The following UBAP1 variants were observed in gnomAD, a reference collection of about 807,000 sequenced individuals.
UBAP1 encodes ubiquitin-associated protein 1.
UBAP1 carries 5 observed loss-of-function variants against 39.0 expected under a neutral mutation model. The observed-to-expected ratio is 0.13, with a 90% CI of 0.07 to 0.27. UBAP1 has a LOEUF of 0.27. Ranked by LOEUF, UBAP1 falls within the 10% of genes least tolerant of loss-of-function variation. The probability of loss-of-function intolerance (pLI) is 1.00; values close to 1 mark genes in which losing one functional copy is unlikely to be tolerated. For missense variants in UBAP1, 490 were observed against 608.1 expected (o/e 0.81, Z 2.04); for synonymous variants, 211 against 225.1 (o/e 0.94, Z 0.56).
chr9:34,179,331 G>T (rs1382365161), intron 1 of UBAP1, 91 bp downstream of exon 1: 4 of 895,752 alleles, frequency 4.5e-6, no homozygotes, highest in Non-Finnish European at 5.8e-6. Flanking sequence ...GGGATGGGGG[G>T]CCGAGCGAGG....
chr9:34,185,709 G>A (rs547742557), intron 1 of UBAP1, among the ~76,000 whole-genome samples: 31 of 152,246 alleles, frequency 2.0e-4, no homozygotes, highest in African/African-American at 6.5e-4. Flanking sequence ...AGCTGGGCGT[G>A]GTGGCAGGTG....
Position 34,179,065 on chromosome 9 carries a change from C to CGGCTGCGGCACTGGCGGT in UBAP1, c.-178_-161dup. ...GGAGGGAAGTAGGACTTCAACATGG[C>CGGCTGCGGCACTGGCGGT]GGCTGCGGCACTGGCGGTGGCTACG... On this transcript the variant is annotated 5_prime_UTR_variant, in exon 1 of 7. Transcript: ENST00000297661. The CGGCTGCGGCACTGGCGGT allele has an allele frequency of 6.3e-6, 8 of 1,278,374 alleles. No homozygotes were observed. Among genetic ancestry groups the CGGCTGCGGCACTGGCGGT allele is most frequent in the Non-Finnish European group, 7.9e-6 (8 of 1,011,036 alleles). 79.2% of individuals were successfully genotyped at this position (1,278,374 alleles called of 1,614,324 possible).
rs1563911136 is a variant in UBAP1 at position 34,226,117 on chromosome 9, G to GTGTGTGTGTGTGTGTGTGTGTT, written c.34+5190_34+5191insTTGTGTGTGTGTGTGTGTGTGT. On this transcript the variant is annotated intron_variant, in intron 2 of 6. Coordinates refer to ENST00000297661, the MANE Select transcript of UBAP1 (RefSeq NM_016525.5). ...TCCTCCTACTCTATTGTGTGTGTGT[G>GTGTGTGTGTGTGTGTGTGTGTT]TGTGTGTGTGTGTGTGTGTGTGTGT... Among the ~76,000 whole-genome samples, 141 of 94,314 alleles carry GTGTGTGTGTGTGTGTGTGTGTT rather than the reference G, an allele frequency of 1.5e-3. 4 individuals are homozygous for GTGTGTGTGTGTGTGTGTGTGTT. Among genetic ancestry groups the GTGTGTGTGTGTGTGTGTGTGTT allele is most frequent in the African/African-American group, 3.7e-3 (120 of 32,070 alleles). The allele number at this position is 94,314 out of a possible 152,430, so 61.9% of individuals were successfully genotyped here.
chr9:34,244,094 C>T (rs10972017), intron 4 of UBAP1, among the ~76,000 whole-genome samples: 49,336 of 152,028 alleles, frequency 0.32, 9,810 homozygotes, highest in Non-Finnish European at 0.45. Context: ...GTGATCCGCC[C>T]GCCTCGGCCT....
At position 34,242,164 on chromosome 9, in the gene UBAP1, G is replaced by A. The variant is rs564823831; in HGVS notation, c.1083+56G>A. The A allele has an allele frequency of 7.2e-5, 108 of 1,491,902 alleles. 1 individual carries two copies. In the South Asian group the frequency reaches 1.2e-3, roughly 17 times the overall value. 92.4% of individuals were successfully genotyped at this position (1,491,902 alleles called of 1,614,324 possible). On this transcript the variant is annotated intron_variant, in intron 4 of 6. Transcript: ENST00000297661. ...ATATTTTCCTGATGACAGGGATTAT[G>A]TTTTTTCTTGTTGTTTGGTTGATTT... is the stretch of plus-strand genomic sequence containing the variant.
chr9:34,216,356 C>T (rs901991281), intron 1 of UBAP1, among the ~76,000 whole-genome samples: 2 of 152,108 alleles, frequency 1.3e-5, no homozygotes, highest in Non-Finnish European at 2.9e-5. Context: ...GAGACCCTTA[C>T]CAACTACACA....
rs76310003 is a variant in UBAP1, at chr9:34,218,387, A to C, written c.-7-2521A>C. Among the ~76,000 whole-genome samples, 781 of 151,900 alleles carry C rather than the reference A, an allele frequency of 5.1e-3. 14 individuals carry two copies. Among genetic ancestry groups the C allele is most frequent in the East Asian group, 0.029 (150 of 5,180 alleles). On this transcript the variant is annotated intron_variant, in intron 1 of 6. Transcript: ENST00000297661. ...GTGTTGTTTGGAAAATTATTTATTA[A>C]ATCAAAGACTCAGCCTCTCTCAAGT...
At position 34,224,100 on chromosome 9, in the gene UBAP1, G is replaced by T. The variant is rs529957329; in HGVS notation, c.34+3152G>T. ...GGCCTTGAAGTGATGCACGCAAGAA[G>T]CTTGCCCTGCTGGAACTGCTCCTCC... On this transcript the variant is annotated intron_variant, in intron 2 of 6. Coordinates refer to ENST00000297661, the MANE Select transcript of UBAP1 (RefSeq NM_016525.5). The T allele has an allele frequency of 3.9e-5, 29 of 745,028 alleles. 1 individual carries two copies. The highest frequency in any genetic ancestry group is 3.4e-4 in the African/African-American group (19 of 56,112). 46.2% of individuals were successfully genotyped at this position (745,028 alleles called of 1,614,324 possible).
chr9:34,243,783 G>T (rs999542803), intron 4 of UBAP1, among the ~76,000 whole-genome samples: 1 of 151,144 alleles, frequency 6.6e-6, no homozygotes, highest in Non-Finnish European at 1.5e-5. Context: ...AGCCACAGTG[G>T]CTGGCCAATT....
At chr9:34,223,723 G>A (rs1348492247) in intron 2 of UBAP1, among the ~76,000 whole-genome samples, 1 of 152,122 alleles carries the variant, frequency 6.6e-6, no homozygotes, top group African/African-American at 2.4e-5. Context: ...CCAAAGTGTT[G>A]GGGTTACAGG....
At chr9:34,239,053 A>G (rs541031348) in intron 3 of UBAP1, among the ~76,000 whole-genome samples, 2 of 152,294 alleles carry the variant, frequency 1.3e-5, no homozygotes, top group Non-Finnish European at 1.5e-5. Context: ...GCACAAAGCA[A>G]TCTTTTTTTG....
At chr9:34,226,139 G>GTT (rs1563911386) in intron 2 of UBAP1, among the ~76,000 whole-genome samples, 27 of 135,074 alleles carry the variant, frequency 2.0e-4, no homozygotes, top group Admixed American at 2.9e-4. Flanking sequence ...GTGTGTGTGT[G>GTT]TGTGTGTGTG....
chr9:34,231,125 TTA>T (rs1191309562), intron 2 of UBAP1, among the ~76,000 whole-genome samples: 9 of 96,694 alleles, frequency 9.3e-5, no homozygotes, highest in South Asian at 3.1e-4. Context: ...TTTAAAAAAA[TTA>T]TGTGTGTGTG....
chr9:34,197,246 AGTT>A (rs1170545468), intron 1 of UBAP1, among the ~76,000 whole-genome samples: 2 of 150,722 alleles, frequency 1.3e-5, no homozygotes, highest in African/African-American at 4.9e-5. Context: ...GTTTTATTAT[AGTT>A]CACGGACCTT....
intron 1 of UBAP1, among the ~76,000 whole-genome samples, chr9:34,186,252 A>G (rs1334301213): frequency 1.3e-5 from 2 of 152,216 alleles, no homozygotes; most frequent in African/African-American, 4.8e-5. Flanking sequence ...TACTTCACAA[A>G]ATAAACTGGA....
At chr9:34,228,577 C>G (rs1356612782) in intron 2 of UBAP1, among the ~76,000 whole-genome samples, 13 of 146,742 alleles carry the variant, frequency 8.9e-5, no homozygotes, top group Non-Finnish European at 2.0e-4. Flanking sequence ...TTTCCCCCCC[C>G]CCCTTTTTTT....
intron 1 of UBAP1, among the ~76,000 whole-genome samples, chr9:34,187,324 T>TC (rs1209971264): frequency 6.6e-6 from 1 of 152,220 alleles, no homozygotes; most frequent in East Asian, 1.9e-4. Flanking sequence ...GACATTTATT[T>TC]CCAATATTTG....
intron 1 of UBAP1, among the ~76,000 whole-genome samples, chr9:34,218,860 C>G (rs1832497195): frequency 6.6e-6 from 1 of 152,126 alleles, no homozygotes; most frequent in Non-Finnish European, 1.5e-5. Flanking sequence ...TTGTTTGAAC[C>G]TGGGAGGCAG....
At chr9:34,187,721 A>T (rs1830481544) in intron 1 of UBAP1, among the ~76,000 whole-genome samples, 1 of 151,416 alleles carries the variant, frequency 6.6e-6, no homozygotes, top group South Asian at 2.1e-4. Flanking sequence ...TTTTTTTTAA[A>T]CTCTGTCCGG....
Sources: gnomAD v4.1 joint callset for allele counts (sites outside exome capture counted in the v4.1 genomes callset) on GRCh38, gnomAD v4.1.1 for gene constraint, MANE v1.5 for transcripts, NCBI Gene and HGNC (gene_info 2026-07-23, HGNC 2026-07-21) for gene names.